The following NEK7 variants were observed in gnomAD, a reference collection of about 807,000 sequenced individuals.
The protein encoded by NEK7 is serine/threonine-protein kinase Nek7.
Under a neutral mutation model 44.6 loss-of-function variants are expected in NEK7, and 18 were observed. The observed-to-expected ratio is 0.40, with a 90% CI of 0.28 to 0.60. The LOEUF (loss-of-function observed/expected upper bound fraction) is 0.60, where lower values mean the gene tolerates loss of function less well. NEK7 is among the 20% of genes least tolerant of loss of function. The probability of loss-of-function intolerance (pLI) is 0.38; values close to 1 mark genes in which losing one functional copy is unlikely to be tolerated. For synonymous variants in NEK7, 130 were observed against 121.1 expected, an observed-to-expected ratio of 1.07 and a Z score of -0.48; for missense variants, 256 against 366.5, an observed-to-expected ratio of 0.70 and a Z score of 2.46.
chr1:198,200,216 CTAATT>C (rs1204518478), intron 1 of NEK7, among the ~76,000 whole-genome samples: 3 of 152,094 alleles, frequency 2.0e-5, no homozygotes, highest in Non-Finnish European at 2.9e-5. Flanking sequence ...CTATTTTAGT[CTAATT>C]TATAGAGCAT....
At chr1:198,226,312 A>C (rs995283058) in intron 1 of NEK7, among the ~76,000 whole-genome samples, 31 of 152,250 alleles carry the variant, frequency 2.0e-4, no homozygotes, top group Non-Finnish European at 1.5e-4. Context: ...TGGGAGGCCA[A>C]GGCGGGTGGA....
Position 198,301,419 on chromosome 1 carries a change from G to A in NEK7, c.798+4179G>A, listed in dbSNP as rs191331475. On this transcript the variant is annotated intron_variant, in intron 9 of 9. Coordinates refer to ENST00000367385, the MANE Select transcript of NEK7 (RefSeq NM_133494.3). ...CAACAAATTAGCCGGGCGTGGTGGCGGGCGCCTGTAGTCCCAGCTACTCGG... is the reference window on the plus strand; with the variant it reads ...CAACAAATTAGCCGGGCGTGGTGGCAGGCGCCTGTAGTCCCAGCTACTCGG... Among the ~76,000 whole-genome samples, 15 of 152,082 alleles carry A rather than the reference G, an allele frequency of 9.9e-5. No homozygotes were observed. In the East Asian group the frequency reaches 1.9e-3, roughly 20 times the overall value.
chr1:198,207,472 C>G (rs910363323), intron 1 of NEK7, among the ~76,000 whole-genome samples: 2 of 152,120 alleles, frequency 1.3e-5, no homozygotes, highest in African/African-American at 4.8e-5. Flanking sequence ...GCAGACCCCC[C>G]TCAGTTGGAG....
At chr1:198,314,433 T>C (rs1044670798) in intron 9 of NEK7, among the ~76,000 whole-genome samples, 2 of 152,240 alleles carry the variant, frequency 1.3e-5, no homozygotes, top group African/African-American at 4.8e-5. Context: ...TCTCTCAGCT[T>C]GTCAAAGTCA....
At chr1:198,292,601 A>G (rs1335995231) in intron 7 of NEK7, among the ~76,000 whole-genome samples, 1 of 151,986 alleles carries the variant, frequency 6.6e-6, no homozygotes, top group Non-Finnish European at 1.5e-5. Context: ...TATTCAAGCC[A>G]TATTTTTTTA....
chr1:198,234,042 A>G lies in NEK7; in HGVS notation c.57+1405A>G, dbSNP rs539989238. Among the ~76,000 whole-genome samples, 10 of 151,772 alleles carry G rather than the reference A, an allele frequency of 6.6e-5. 2 individuals carry two copies. The South Asian group carries it at 2.1e-3, about 32-fold the overall frequency. On this transcript the variant is annotated intron_variant, in intron 2 of 9. Transcript: ENST00000367385. ...ATTCTGATACTTTGGTGTCATTTTT[A>G]TCTCTCTTATTAGGTTAAAATCTCC...
At chr1:198,291,085 T>G (rs61436594) in intron 7 of NEK7, among the ~76,000 whole-genome samples, 1 of 152,108 alleles carries the variant, frequency 6.6e-6, no homozygotes, top group East Asian at 1.9e-4. Context: ...TTCTTTTTCC[T>G]TATCATCAAT....
intron 5 of NEK7, among the ~76,000 whole-genome samples, chr1:198,274,965 T>C (rs771118674): frequency 3.3e-5 from 5 of 151,762 alleles, no homozygotes; most frequent in Admixed American, 6.6e-5. Context: ...TTACCAGATA[T>C]GCTGAATTTC....
Position 198,166,251 on chromosome 1 carries a change from T to C in NEK7, c.-29+8975T>C, listed in dbSNP as rs575483403. ...TTTATACAGATGTTTTACTCAATTATAGAAAATTTTAAACACATTCAAAAT... is the reference window on the plus strand; with the variant it reads ...TTTATACAGATGTTTTACTCAATTACAGAAAATTTTAAACACATTCAAAAT... On this transcript the variant is annotated intron_variant, in intron 1 of 9. Transcript: ENST00000367385. 2.6e-5 allele frequency among the ~76,000 whole-genome samples: 4 copies of C among 152,372 alleles called. No homozygotes were observed. The East Asian group carries it at 5.8e-4, about 22-fold the overall frequency.
At chr1:198,271,546 T>C (rs567936335) in intron 5 of NEK7, among the ~76,000 whole-genome samples, 136 of 152,138 alleles carry the variant, frequency 8.9e-4, no homozygotes, top group Non-Finnish European at 1.8e-3. Context: ...AGAGGTTGTA[T>C]TGGAAATAAA....
chr1:198,160,397 C>T lies in NEK7; in HGVS notation c.-29+3121C>T, dbSNP rs557563225. ...AAAATACACAGTGTAGCTGCAGCTG[C>T]AGCTGCACAAAACAGCACTCTGTCC... On this transcript the variant is annotated intron_variant, in intron 1 of 9. Transcript: ENST00000367385. 7.2e-5 allele frequency among the ~76,000 whole-genome samples: 11 copies of T among 152,016 alleles called. No homozygotes were observed. In the East Asian group the frequency reaches 1.9e-3, roughly 27 times the overall value.
At chr1:198,235,525 T>C (rs1016210226) in intron 2 of NEK7, among the ~76,000 whole-genome samples, 3 of 152,082 alleles carry the variant, frequency 2.0e-5, no homozygotes, top group Admixed American at 2.0e-4. Context: ...TTTTTAAAAA[T>C]AAAAATAAAA....
intron 9 of NEK7, among the ~76,000 whole-genome samples, chr1:198,313,568 T>C (rs369985697): frequency 6.6e-5 from 9 of 136,952 alleles, no homozygotes; most frequent in African/African-American, 2.1e-4. Flanking sequence ...GATTTTGCAG[T>C]GGCTGGTACC....
At chr1:198,242,361 A>G (rs1666706845) in intron 2 of NEK7, among the ~76,000 whole-genome samples, 1 of 151,362 alleles carries the variant, frequency 6.6e-6, no homozygotes, top group East Asian at 1.9e-4. Flanking sequence ...TCAAAGTGTA[A>G]TATGATTTTC....
At chr1:198,213,674 C>T (rs528871294) in intron 1 of NEK7, among the ~76,000 whole-genome samples, 9 of 152,134 alleles carry the variant, frequency 5.9e-5, no homozygotes, top group Non-Finnish European at 1.3e-4. Flanking sequence ...AGGAGTGTTA[C>T]TGGGAGGTGG....
intron 2 of NEK7, among the ~76,000 whole-genome samples, chr1:198,252,601 TTATA>T (rs1370531332): frequency 1.5e-5 from 2 of 133,736 alleles, no homozygotes; most frequent in Non-Finnish European, 3.2e-5. Context: ...ATATGTATGT[TTATA>T]TATTTATTAA....
At chr1:198,306,965 C>G (rs1487947632) in intron 9 of NEK7, among the ~76,000 whole-genome samples, 1 of 152,040 alleles carries the variant, frequency 6.6e-6, no homozygotes, top group Admixed American at 6.6e-5. Flanking sequence ...ACCCACTTTT[C>G]TTTAAAAATA....
At chr1:198,233,039 T>G (rs954048503) in intron 2 of NEK7, among the ~76,000 whole-genome samples, 4 of 151,936 alleles carry the variant, frequency 2.6e-5, no homozygotes, top group African/African-American at 9.7e-5. Context: ...TTTAACTTTA[T>G]TTGAATGACC....
chr1:198,265,624 G>T (rs1347132771), intron 5 of NEK7, among the ~76,000 whole-genome samples: 1 of 152,056 alleles, frequency 6.6e-6, no homozygotes, highest in African/African-American at 2.4e-5. Context: ...CAAAATTAGG[G>T]AAGCTGTCAG....
Sources: allele counts gnomAD v4.1 joint callset (sites outside exome capture counted in the v4.1 genomes callset), GRCh38; gene constraint gnomAD v4.1.1; transcripts MANE v1.5; gene names NCBI Gene and HGNC (gene_info 2026-07-23, HGNC 2026-07-21).